CCSER1: variants seen among roughly 807,000 people sequenced by gnomAD.
The protein encoded by CCSER1 is serine-rich coiled-coil domain-containing protein 1.
In CCSER1, 41 loss-of-function variants were observed where a neutral mutation model predicts 82.0. That is an observed-to-expected ratio of 0.50 (90% confidence interval 0.39 to 0.65). The LOEUF (loss-of-function observed/expected upper bound fraction) is 0.65, where lower values mean the gene tolerates loss of function less well. CCSER1 is among the 30% of genes least tolerant of loss of function. The pLI, the probability that CCSER1 is intolerant of heterozygous loss-of-function variation, is 0.00. For missense variants in CCSER1, 1,119 were observed against 1,064.2 expected, an observed-to-expected ratio of 1.05 and a Z score of -0.72; for synonymous variants, 414 against 383.9, an observed-to-expected ratio of 1.08 and a Z score of -0.92.
chr4:91,124,208 G>A (rs1727316110), intron 10 of CCSER1, among the ~76,000 whole-genome samples: 2 of 151,682 alleles, frequency 1.3e-5, no homozygotes, highest in South Asian at 2.1e-4. Context: ...AACTATACAA[G>A]AATATTACTG....
At chr4:90,716,493 A>G (rs1242084258) in intron 6 of CCSER1, among the ~76,000 whole-genome samples, 2 of 152,118 alleles carry the variant, frequency 1.3e-5, no homozygotes, top group Non-Finnish European at 2.9e-5. Flanking sequence ...TTGTTAGCCA[A>G]TTCTAAATTT....
At chr4:90,325,770 G>A (rs1738067991) in intron 3 of CCSER1, 3 of 296,172 alleles carry the variant, frequency 1.0e-5, no homozygotes, top group African/African-American at 2.2e-5. Context: ...TTATGGTGTT[G>A]AAATTTAAAC....
chr4:90,719,149 G>A (rs544682775), intron 6 of CCSER1, among the ~76,000 whole-genome samples: 25 of 152,174 alleles, frequency 1.6e-4, no homozygotes, highest in Admixed American at 1.4e-3. Context: ...CAGCTGCTCC[G>A]CATCATTGCC....
chr4:90,236,231 A>C (rs777310289), intron 1 of CCSER1, among the ~76,000 whole-genome samples: 6 of 152,196 alleles, frequency 3.9e-5, no homozygotes, highest in Non-Finnish European at 7.3e-5. Context: ...GCCTGGCTAA[A>C]ATAAAGAATT....
At chr4:90,814,102 C>A (rs376873492) in intron 7 of CCSER1, among the ~76,000 whole-genome samples, 2 of 152,218 alleles carry the variant, frequency 1.3e-5, no homozygotes, top group East Asian at 3.9e-4. Context: ...CCCAACACCA[C>A]ATGTAAGCCA....
At chr4:90,511,259 A>G (rs1329553238) in intron 5 of CCSER1, among the ~76,000 whole-genome samples, 1 of 152,114 alleles carries the variant, frequency 6.6e-6, no homozygotes, top group African/African-American at 2.4e-5. Context: ...CTCTACTAAA[A>G]ATACAAAAAC....
intron 10 of CCSER1, among the ~76,000 whole-genome samples, chr4:91,132,030 C>G (rs1728043415): frequency 6.6e-6 from 1 of 151,936 alleles, no homozygotes; most frequent in Non-Finnish European, 1.5e-5. Context: ...CTGAGGTTTT[C>G]AGACAGCATA....
chr4:90,298,684 G>A (rs1362718680), intron 1 of CCSER1, among the ~76,000 whole-genome samples: 1 of 151,882 alleles, frequency 6.6e-6, no homozygotes, highest in Non-Finnish European at 1.5e-5. Context: ...AGAGATTCTG[G>A]TATGTTGTGT....
At chr4:90,325,608 A>G (rs953029705) in intron 3 of CCSER1, 1 of 445,696 alleles carries the variant, frequency 2.2e-6, no homozygotes, top group Non-Finnish European at 4.5e-6. Flanking sequence ...TCTGCGACAG[A>G]TCTCTGACCA....
chr4:90,326,313 G>T (rs1483322531), intron 3 of CCSER1, among the ~76,000 whole-genome samples: 1 of 151,946 alleles, frequency 6.6e-6, no homozygotes, highest in Non-Finnish European at 1.5e-5. Context: ...TCCTGCCTCG[G>T]CCTCCCAGAG....
At position 91,479,696 on chromosome 4, in the gene CCSER1, T is replaced by C. The variant is rs979170354; in HGVS notation, c.2218-118876T>C. On this transcript the variant is annotated intron_variant, in intron 10 of 10. Transcript: ENST00000509176. ...GAAAGCAGTTTATTCTTATTCTTTT[T>C]TTTTTCTTTTTTTTCTTTCTTTTTT... 2.9e-4 allele frequency among the ~76,000 whole-genome samples: 32 copies of C among 109,204 alleles called. No homozygotes were observed. In the East Asian group the frequency reaches 7.3e-3, roughly 25 times the overall value. The allele number at this position is 109,204 out of a possible 152,430, so 71.6% of individuals were successfully genotyped here.
chr4:90,149,220 C>A (rs544627721), intron 1 of CCSER1, among the ~76,000 whole-genome samples: 80 of 152,158 alleles, frequency 5.3e-4, no homozygotes, highest in African/African-American at 1.9e-3. Flanking sequence ...GATAGATATG[C>A]TGAGTAAATA....
At chr4:91,242,446 T>C (rs1348146172) in intron 10 of CCSER1, among the ~76,000 whole-genome samples, 1 of 152,220 alleles carries the variant, frequency 6.6e-6, no homozygotes, top group Non-Finnish European at 1.5e-5. Flanking sequence ...ACTTCTAAAA[T>C]TGTGTTATAG....
intron 4 of CCSER1, among the ~76,000 whole-genome samples, chr4:90,437,654 G>A (rs1759225030): frequency 6.6e-6 from 1 of 152,090 alleles, no homozygotes; most frequent in African/African-American, 2.4e-5. Flanking sequence ...GTACCTACCA[G>A]AACATACCAG....
intron 10 of CCSER1, among the ~76,000 whole-genome samples, chr4:91,427,453 G>A (rs72656188): frequency 0.14 from 21,402 of 151,980 alleles, 1,990 homozygotes; most frequent in African/African-American, 0.26. Context: ...GCCATTCAAG[G>A]ATTCAGTTTT....
At chr4:90,770,369 C>T (rs951178901) in intron 7 of CCSER1, among the ~76,000 whole-genome samples, 4 of 151,964 alleles carry the variant, frequency 2.6e-5, no homozygotes, top group South Asian at 2.1e-4. Context: ...AAATATTATG[C>T]GAATGGAAGG....
At chr4:91,303,506 C>T (rs1284149693) in intron 10 of CCSER1, among the ~76,000 whole-genome samples, 4 of 151,934 alleles carry the variant, frequency 2.6e-5, no homozygotes, top group Non-Finnish European at 4.4e-5. Flanking sequence ...ACCATATAGG[C>T]CAGGCACAGT....
At chr4:90,485,138 A>G (rs1440316303) in intron 5 of CCSER1, among the ~76,000 whole-genome samples, 1 of 152,176 alleles carries the variant, frequency 6.6e-6, no homozygotes, top group Admixed American at 6.5e-5. Context: ...TGTGCTAGCA[A>G]TGAGCGAGGC....
At chr4:91,252,825 T>A (rs796788703) in intron 10 of CCSER1, among the ~76,000 whole-genome samples, 18 of 152,160 alleles carry the variant, frequency 1.2e-4, no homozygotes, top group African/African-American at 4.1e-4. Context: ...TTAAAAAAAA[T>A]GTTTCACTAC....
Sources: allele counts gnomAD v4.1 joint callset (sites outside exome capture counted in the v4.1 genomes callset), GRCh38; gene constraint gnomAD v4.1.1; transcripts MANE v1.5; gene names NCBI Gene and HGNC (gene_info 2026-07-23, HGNC 2026-07-21).